FKBP15: variants seen among roughly 807,000 people sequenced by gnomAD.
The protein encoded by FKBP15 is FK506-binding protein 15.
FKBP15 carries 106 observed loss-of-function variants against 158.1 expected under a neutral mutation model. The observed-to-expected ratio is 0.67, with a 90% confidence interval of 0.57 to 0.79. The LOEUF (loss-of-function observed/expected upper bound fraction) is 0.79, where lower values mean the gene tolerates loss of function less well. Ranked by LOEUF, FKBP15 falls within the 30% of genes least tolerant of loss-of-function variation. The pLI is 0.00. For synonymous variants in FKBP15, 547 were observed against 548.6 expected (o/e 1.00, Z 0.04); for missense variants, 1,287 against 1,479.1 (o/e 0.87, Z 2.13).
In FKBP15 at chr9:113,190,472, T is replaced by G. The variant is rs370128921; in HGVS notation, c.1172A>C (p.Glu391Ala). 1 of 1,606,126 alleles carries G rather than the reference T, an allele frequency of 6.2e-7. No homozygotes were observed. The highest frequency in any genetic ancestry group is 1.3e-5 in the African/African-American group (1 of 74,856). Residue 391 changes from glutamate to alanine, a missense_variant and splice_region_variant, in exon 12 of 28, where the codon GAA becomes GCA. Glu to Ala is a moderately radical substitution (Grantham distance 107). Coordinates refer to ENST00000238256, the MANE Select transcript of FKBP15 (RefSeq NM_015258.2). ...PQLDSNDSEI[E>A]DVNTLQGGGQ... ...TCTAATACAGCCAGGGGGACATACT[T>G]CGATTTCTGAATCATTGGAATCCAG...
intron 11 of FKBP15, 74 bp from the exon 12 acceptor site, chr9:113,190,652 C>T: frequency 6.3e-6 from 7 of 1,110,074 alleles, no homozygotes; most frequent in Admixed American, 2.1e-5. Context: ...ATCCCTTTGG[C>T]TCTTGTATCA....
At chr9:113,214,872 T>G (rs1831085949) in intron 1 of FKBP15, among the ~76,000 whole-genome samples, 1 of 152,260 alleles carries the variant, frequency 6.6e-6, no homozygotes, top group African/African-American at 2.4e-5. Context: ...AGCACTTTCA[T>G]GCTATGAAGA....
intron 1 of FKBP15, among the ~76,000 whole-genome samples, chr9:113,218,726 T>C (rs1488630027): frequency 6.6e-6 from 1 of 152,158 alleles, no homozygotes; most frequent in African/African-American, 2.4e-5. Flanking sequence ...AACCTCATTA[T>C]TGAATAGGTT....
intron 19 of FKBP15, among the ~76,000 whole-genome samples, chr9:113,181,743 G>A (rs1830400966): frequency 6.6e-6 from 1 of 152,012 alleles, no homozygotes; most frequent in South Asian, 2.1e-4. Context: ...AAACAAACAA[G>A]CAAACAAAAG....
At chr9:113,213,265 C>T (rs1348247265) in intron 1 of FKBP15, among the ~76,000 whole-genome samples, 4 of 152,070 alleles carry the variant, frequency 2.6e-5, no homozygotes, top group African/African-American at 4.8e-5. Context: ...AAAAATTAGC[C>T]GGGCGTGGTG....
Position 113,169,278 on chromosome 9 carries a change from C to T in FKBP15, c.3431G>A (p.Gly1144Asp). 1 of 1,614,018 alleles carries T rather than the reference C, an allele frequency of 6.2e-7. No homozygotes were observed. Among genetic ancestry groups the T allele is most frequent in the Non-Finnish European group, 8.5e-7 (1 of 1,179,874 alleles). Residue 1144 changes from glycine to aspartate, a missense_variant, in exon 26 of 28, where the codon GGT (glycine) becomes GAT (aspartate). Gly to Asp is a moderately conservative substitution (Grantham distance 94). Transcript: ENST00000238256. ...GAGGGCTGCTCCTGCAACTGTGGAA[C>T]CTGCCTCTGTGCTTGACAGCTCCTT... Reference protein sequence around the residue: ...PHKELSSTEAGSTVAGAALRP... With the variant: ...PHKELSSTEADSTVAGAALRP...
intron 9 of FKBP15, 126 bp from the exon 10 acceptor site, chr9:113,194,295 T>C (rs565440756): frequency 1.7e-5 from 11 of 636,208 alleles, no homozygotes; most frequent in East Asian, 1.3e-4. Context: ...AGGGATAGCA[T>C]TGGGAGATAT....
Position 113,170,589 on chromosome 9 carries a change from C to G in FKBP15, c.2699G>C (p.Arg900Thr). Residue 900 changes from arginine (R) to threonine (T), a missense_variant, in exon 25 of 28, where the codon AGA becomes ACA. By Grantham distance (71) the Arg-to-Thr change is moderately conservative. Coordinates refer to ENST00000238256, the MANE Select transcript of FKBP15 (RefSeq NM_015258.2). ...IMNQVFQSLR[R>T]EFELEESYNG... ...GTAAGATTCCTCCAGCTCAAACTCT[C>G]TCCGTAAGGACTGGAACACCTGGTT... 1.9e-6 allele frequency: 3 copies of G among 1,613,906 alleles called. No individual in the cohort carries two copies. The highest frequency in any genetic ancestry group is 2.5e-6 in the Non-Finnish European group (3 of 1,179,788).
chr9:113,190,259 C>T (rs1830552418), intron 12 of FKBP15, among the ~76,000 whole-genome samples: 1 of 152,170 alleles, frequency 6.6e-6, no homozygotes, highest in South Asian at 2.1e-4. Flanking sequence ...CTGCCCAGTT[C>T]TTGTAAAAGA....
chr9:113,171,322 C>A (rs7467524), intron 24 of FKBP15, among the ~76,000 whole-genome samples: 124,834 of 152,110 alleles, frequency 0.82, 51,317 homozygotes, highest in South Asian at 0.89. Flanking sequence ...GCTACTCAGG[C>A]GGCTGCGGCA....
Position 113,169,434 on chromosome 9 carries a change from C to T in FKBP15, c.3275G>A (p.Ser1092Asn). The change falls in exon 26 of 28, where the codon AGC becomes AAC. Residue 1092 changes from serine (S) to asparagine (N), a missense_variant. Ser to Asn is a conservative substitution (Grantham distance 46). Transcript: ENST00000238256. ...EVAPDGPLQE[S>N]STRLSLTSDP... ...TGAAGTCAGGGACAGTCTTGTGGAGCTTTCTTGTAGTGGGCCATCTGGTGC... is the reference window on the plus strand; with the variant it reads ...TGAAGTCAGGGACAGTCTTGTGGAGTTTTCTTGTAGTGGGCCATCTGGTGC... The T allele has an allele frequency of 2.5e-6, 4 of 1,614,040 alleles. No homozygotes were observed. In the South Asian group the frequency reaches 3.3e-5, roughly 13 times the overall value.
intron 2 of FKBP15, among the ~76,000 whole-genome samples, chr9:113,208,440 T>G (rs1457158416): frequency 6.6e-6 from 1 of 152,170 alleles, no homozygotes; most frequent in Non-Finnish European, 1.5e-5. Context: ...TATATGAATG[T>G]GATGGAAGAG....
At chr9:113,205,426 T>G (rs1018459482) in intron 4 of FKBP15, among the ~76,000 whole-genome samples, 1 of 152,108 alleles carries the variant, frequency 6.6e-6, no homozygotes, top group Non-Finnish European at 1.5e-5. Flanking sequence ...TACTCAACAT[T>G]AGACATTGGG....
At chr9:113,172,266 G>GT (rs1433517274) in intron 23 of FKBP15, among the ~76,000 whole-genome samples, 1 of 152,072 alleles carries the variant, frequency 6.6e-6, no homozygotes, top group Non-Finnish European at 1.5e-5. Flanking sequence ...CATTTGGGTT[G>GT]GTTCCAAGTC....
Position 113,165,833 on chromosome 9 carries a change from C to G in FKBP15, c.*245G>C, listed in dbSNP as rs1830089516. On this transcript the variant is annotated 3_prime_UTR_variant, in exon 28 of 28. Transcript: ENST00000238256. ...GGTGACTGGCTTGGAGGGGAACCTACCAGTCCTTCTTCCAACTTGCTGCTG... is the reference window on the plus strand; with the variant it reads ...GGTGACTGGCTTGGAGGGGAACCTAGCAGTCCTTCTTCCAACTTGCTGCTG... The G allele has an allele frequency of 2.3e-6, 1 of 435,484 alleles. No individual in the cohort carries two copies. The highest frequency in any genetic ancestry group is 2.6e-5 in the South Asian group (1 of 37,856). The allele number at this position is 435,484 out of a possible 1,614,324, so 27.0% of individuals were successfully genotyped here. A position where few individuals can be genotyped will look rare whatever the true frequency, so the allele number is the denominator to read the frequency against.
intron 1 of FKBP15, among the ~76,000 whole-genome samples, chr9:113,212,121 T>G (rs1166830050): frequency 4.6e-5 from 7 of 152,212 alleles, no homozygotes; most frequent in Non-Finnish European, 7.3e-5. Context: ...CATCATCCCT[T>G]GCAAGAAATC....
chr9:113,194,485 T>C (rs7038260), intron 9 of FKBP15, among the ~76,000 whole-genome samples: 49,704 of 149,428 alleles, frequency 0.33, 8,532 homozygotes, highest in African/African-American at 0.38. Flanking sequence ...GTGGAATAGG[T>C]TACAAATACC....
intron 12 of FKBP15, among the ~76,000 whole-genome samples, chr9:113,189,631 A>G (rs1486050348): frequency 6.6e-6 from 1 of 152,160 alleles, no homozygotes; most frequent in African/African-American, 2.4e-5. Context: ...TCCAAGAAAT[A>G]AAACAAAAAT....
chr9:113,172,704 G>A (rs796657574), intron 23 of FKBP15, among the ~76,000 whole-genome samples: 1 of 152,142 alleles, frequency 6.6e-6, no homozygotes, highest in Non-Finnish European at 1.5e-5. Flanking sequence ...AGAGCAGGAG[G>A]GTAGGTAATA....
Sources: gnomAD v4.1 joint callset for allele counts (sites outside exome capture counted in the v4.1 genomes callset) on GRCh38, gnomAD v4.1.1 for gene constraint, MANE v1.5 for transcripts, NCBI Gene and HGNC (gene_info 2026-07-23, HGNC 2026-07-21) for gene names.